Variants in DOCK3 observed in about 807,000 individuals in gnomAD.
DOCK3 encodes the protein dedicator of cytokinesis protein 3.
A neutral mutation model predicts 265.6 loss-of-function variants in DOCK3; 60 were observed. The ratio of observed to expected loss-of-function variants is 0.23; its 90% CI spans 0.18 to 0.28. The LOEUF (loss-of-function observed/expected upper bound fraction) is 0.28, where lower values mean the gene tolerates loss of function less well. DOCK3 is among the 10% of genes least tolerant of loss of function. The probability of loss-of-function intolerance (pLI) is 1.00; values close to 1 mark genes in which losing one functional copy is unlikely to be tolerated. For synonymous variants in DOCK3, 881 were observed against 938.0 expected (o/e 0.94, Z 1.11); for missense variants, 1,981 against 2,594.3 (o/e 0.76, Z 5.14).
chr3:51,022,948 A>T (rs1035968816), intron 5 of DOCK3, among the ~76,000 whole-genome samples: 2 of 152,024 alleles, frequency 1.3e-5, no homozygotes, highest in Non-Finnish European at 2.9e-5. Context: ...TACTTTCTCC[A>T]TTGTTTATTT....
At position 51,381,374 on chromosome 3, in the gene DOCK3, C is replaced by G; in HGVS notation, c.5908C>G (p.Pro1970Ala). ...GCVIPQDPMD[P>A]PALPPKPYHP... ...CGTCATCCCTCAGGACCCCATGGAC[C>G]CGCCTGCGCTGCCGCCCAAGCCCTA... The change falls in exon 53 of 53, where the codon CCG becomes GCG. Residue 1970 changes from proline to alanine, a missense_variant. Pro to Ala is a conservative substitution (Grantham distance 27, BLOSUM62 -1). Transcript: ENST00000266037. The surrounding 1 kb of genome is among the most constrained non-coding windows in gnomAD (Gnocchi z 5.6). 6.2e-7 allele frequency: 1 copy of G among 1,612,902 alleles called. No individual in the cohort carries two copies.
At chr3:50,872,573 T>A (rs62257803) in intron 3 of DOCK3, among the ~76,000 whole-genome samples, 1 of 152,168 alleles carries the variant, frequency 6.6e-6, no homozygotes, top group Non-Finnish European at 1.5e-5. Context: ...GCCCTGGAGC[T>A]CTAGAATGAG....
At chr3:50,762,212 A>G (rs2040577499) in intron 1 of DOCK3, among the ~76,000 whole-genome samples, 1 of 152,102 alleles carries the variant, frequency 6.6e-6, no homozygotes, top group African/African-American at 2.4e-5. Context: ...ATATGTCACA[A>G]ACCTGCATGT....
At chr3:51,204,797 A>C (rs2089069288) in intron 12 of DOCK3, among the ~76,000 whole-genome samples, 1 of 151,964 alleles carries the variant, frequency 6.6e-6, no homozygotes, top group Non-Finnish European at 1.5e-5. Context: ...CTGGATTAAG[A>C]AAATGTGGCA....
At chr3:51,353,370 G>C (rs1412533977) in intron 40 of DOCK3, among the ~76,000 whole-genome samples, 1 of 152,058 alleles carries the variant, frequency 6.6e-6, no homozygotes, top group Non-Finnish European at 1.5e-5. Context: ...CGAGCACTTG[G>C]GAAGGCTGAG....
At position 51,277,967 on chromosome 3, in the gene DOCK3, G is replaced by C. The variant is rs573778023; in HGVS notation, c.2823+213G>C. On this transcript the variant is annotated intron_variant, in intron 26 of 52. Coordinates refer to ENST00000266037, the MANE Select transcript of DOCK3 (RefSeq NM_004947.5). Reference sequence around the variant, plus strand: ...ATTCCCAGGACTCTTCTTTAGGGCAGATCTGGGGAATGTTTCTTGTCCTGT... The same window carrying C: ...ATTCCCAGGACTCTTCTTTAGGGCACATCTGGGGAATGTTTCTTGTCCTGT... 9 of 985,408 alleles carry C rather than the reference G, an allele frequency of 9.1e-6. No individual in the cohort carries two copies. In the South Asian group the frequency reaches 4.2e-4, roughly 46 times the overall value. The allele number at this position is 985,408 out of a possible 1,614,324, so 61.0% of individuals were successfully genotyped here.
In DOCK3 at chr3:50,721,709, A is replaced by G. The variant is rs905775105; in HGVS notation, c.37+46409A>G. ...TTGGTTTCATATGAATTTTAGAATA[A>G]CTTTTTCTAATTCTTTGAAAAATGT... On this transcript the variant is annotated intron_variant, in intron 1 of 52. Transcript: ENST00000266037. Among the ~76,000 whole-genome samples the G allele has an allele frequency of 2.0e-5, 3 of 152,154 alleles. No homozygotes were observed. In the East Asian group the frequency reaches 5.8e-4, roughly 29 times the overall value.
intron 24 of DOCK3, 124 bp downstream of exon 24, chr3:51,271,131 C>T (rs571973179): frequency 8.9e-7 from 1 of 1,119,696 alleles, no homozygotes; most frequent in South Asian, 1.5e-5. Context: ...AACCAGTAAC[C>T]CTTAAGATAC....
chr3:50,815,081 C>T lies in DOCK3; in HGVS notation c.122-26594C>T, dbSNP rs371650599. Reference sequence around the variant, plus strand: ...CTTGTGATCTGCCTTCCTTGGCCTCCCAAAGTGCTGGGATTACAGGTGTGA... The same window carrying T: ...CTTGTGATCTGCCTTCCTTGGCCTCTCAAAGTGCTGGGATTACAGGTGTGA... On this transcript the variant is annotated intron_variant, in intron 2 of 52. Transcript: ENST00000266037. Among the ~76,000 whole-genome samples the T allele has an allele frequency of 6.6e-5, 10 of 152,240 alleles. No individual in the cohort carries two copies. In the East Asian group the frequency reaches 1.2e-3, roughly 18 times the overall value.
At chr3:51,101,113 C>CTTTTTT (rs59972198) in intron 9 of DOCK3, among the ~76,000 whole-genome samples, 1 of 122,562 alleles carries the variant, frequency 8.2e-6, no homozygotes, top group African/African-American at 3.2e-5. Context: ...CTTAGTCTTT[C>CTTTTTT]TTTTTTTTTT....
chr3:51,218,659 G>A (rs1000234268), intron 14 of DOCK3, among the ~76,000 whole-genome samples: 7 of 152,016 alleles, frequency 4.6e-5, no homozygotes, highest in Non-Finnish European at 7.3e-5. Flanking sequence ...AATTTCTAAG[G>A]TTATCATTGA....
chr3:51,379,391 T>A, intron 51 of DOCK3: 2 of 985,436 alleles, frequency 2.0e-6, no homozygotes, highest in Non-Finnish European at 2.4e-6. Context: ...GCTGTACTTC[T>A]CCCAGAGGGT....
intron 5 of DOCK3, among the ~76,000 whole-genome samples, chr3:51,047,341 C>T (rs1407269544): frequency 1.3e-5 from 2 of 151,600 alleles, no homozygotes; most frequent in Admixed American, 1.3e-4. Flanking sequence ...ACCAACATGG[C>T]ACATGTATAC....
intron 51 of DOCK3, among the ~76,000 whole-genome samples, chr3:51,378,452 A>C (rs1444520674): frequency 6.6e-6 from 1 of 152,152 alleles, no homozygotes; most frequent in Non-Finnish European, 1.5e-5. Context: ...TTAGGCCCTG[A>C]AATTCCCATC....
At chr3:50,933,878 A>T in intron 4 of DOCK3, 103 bp from the exon 5 acceptor site, 1 of 686,886 alleles carries the variant, frequency 1.5e-6, no homozygotes, top group Non-Finnish European at 2.4e-6. Flanking sequence ...TTTTATTTGC[A>T]TAAATTTAAA....
chr3:50,932,431 C>T (rs980997450), intron 4 of DOCK3, among the ~76,000 whole-genome samples: 4 of 151,766 alleles, frequency 2.6e-5, no homozygotes, highest in Non-Finnish European at 4.4e-5. Context: ...GGCTAATAAA[C>T]GGGTATAAGT....
chr3:51,030,758 G>A (rs2108951016), intron 5 of DOCK3, among the ~76,000 whole-genome samples: 1 of 152,220 alleles, frequency 6.6e-6, no homozygotes, highest in East Asian at 1.9e-4. Flanking sequence ...TTAAATCTTA[G>A]CCCCTCAAGT....
At chr3:50,991,957 T>C (rs1266361077) in intron 5 of DOCK3, among the ~76,000 whole-genome samples, 1 of 152,120 alleles carries the variant, frequency 6.6e-6, no homozygotes, top group East Asian at 1.9e-4. Context: ...ACCATGCAAT[T>C]AAATGGAAAT....
At position 51,237,391 on chromosome 3, in the gene DOCK3, C is replaced by T. The variant is rs542645909; in HGVS notation, c.2002-99C>T. The T allele has an allele frequency of 7.5e-5, 72 of 962,692 alleles. 1 individual carries two copies. The South Asian group carries it at 1.0e-3, about 13-fold the overall frequency. 59.6% of individuals were successfully genotyped at this position (962,692 alleles called of 1,614,324 possible). On this transcript the variant is annotated intron_variant, in intron 20 of 52. Transcript: ENST00000266037. ...GGGGAATGCTAGAGGACAGCACTGACAATTTGCCATTATTTGGAGAAGGAA... is the reference window on the plus strand; with the variant it reads ...GGGGAATGCTAGAGGACAGCACTGATAATTTGCCATTATTTGGAGAAGGAA...
Sources: allele counts gnomAD v4.1 joint callset (sites outside exome capture counted in the v4.1 genomes callset), GRCh38; gene constraint gnomAD v4.1.1; non-coding constraint Gnocchi (gnomAD v3.1); transcripts MANE v1.5; gene names NCBI Gene and HGNC (gene_info 2026-07-23, HGNC 2026-07-21).